HS3ST5: variants seen among roughly 807,000 people sequenced by gnomAD.
HS3ST5 encodes the protein heparan sulfate-glucosamine 3-sulfotransferase 5.
Under a neutral mutation model 25.4 loss-of-function variants are expected in HS3ST5, and 10 were observed. That is an observed-to-expected ratio of 0.39 (90% CI 0.24 to 0.67). The LOEUF (loss-of-function observed/expected upper bound fraction) is 0.67. Among genes scored for constraint, HS3ST5 ranks in the 30% least tolerant of loss-of-function variants. The pLI is 0.44. For missense variants in HS3ST5, 324 were observed against 420.7 expected (o/e 0.77, Z 2.01); for synonymous variants, 170 against 162.4 (o/e 1.05, Z -0.36).
chr6:114,332,526 A>T (rs1241544648), intron 1 of HS3ST5, among the ~76,000 whole-genome samples: 1 of 152,206 alleles, frequency 6.6e-6, no homozygotes, highest in African/African-American at 2.4e-5. Flanking sequence ...AAAGTCAGAC[A>T]CAGGGAGAGT....
At chr6:114,269,685 A>G (rs566685396) in intron 1 of HS3ST5, among the ~76,000 whole-genome samples, 1 of 152,284 alleles carries the variant, frequency 6.6e-6, no homozygotes, top group East Asian at 1.9e-4. Flanking sequence ...ACAAGAGTCC[A>G]TTTGGCTATG....
chr6:114,231,546 T>C (rs1771590403), intron 1 of HS3ST5: 1 of 152,094 alleles, frequency 6.6e-6, no homozygotes, highest in Non-Finnish European at 1.5e-5. Flanking sequence ...GGCATTTAAT[T>C]CTCCCCATAA....
At chr6:114,174,757 G>A (rs948353299) in intron 2 of HS3ST5, among the ~76,000 whole-genome samples, 3 of 152,114 alleles carry the variant, frequency 2.0e-5, no homozygotes, top group African/African-American at 7.2e-5. Context: ...CACTTTGGGA[G>A]GCCGAGGCAG....
At chr6:114,108,064 G>A (rs952327719) in intron 3 of HS3ST5, among the ~76,000 whole-genome samples, 5 of 152,128 alleles carry the variant, frequency 3.3e-5, no homozygotes, top group African/African-American at 7.2e-5. Flanking sequence ...ATGTGTGTGC[G>A]TGTGTGCATG....
At chr6:114,069,047 AAAT>A (rs986170980) in intron 3 of HS3ST5, among the ~76,000 whole-genome samples, 6 of 152,234 alleles carry the variant, frequency 3.9e-5, no homozygotes, top group Non-Finnish European at 5.9e-5. Context: ...GGAGATTCAA[AAAT>A]AATAATAATA....
chr6:114,227,843 C>G (rs919206702), intron 2 of HS3ST5, among the ~76,000 whole-genome samples: 1 of 151,850 alleles, frequency 6.6e-6, no homozygotes. Context: ...AAACATTACA[C>G]GAAACAGAGC....
intron 1 of HS3ST5, among the ~76,000 whole-genome samples, chr6:114,276,480 CATA>C (rs1281103576): frequency 1.3e-5 from 2 of 151,644 alleles, no homozygotes; most frequent in African/African-American, 2.4e-5. Context: ...TGCTTTTACA[CATA>C]ATAAGAGTAA....
At chr6:114,162,256 T>C (rs1779009523) in intron 3 of HS3ST5, among the ~76,000 whole-genome samples, 1 of 152,188 alleles carries the variant, frequency 6.6e-6, no homozygotes, top group Admixed American at 6.5e-5. Flanking sequence ...TTATATATAA[T>C]GTCTCGTGAA....
chr6:114,232,489 C>T (rs1771645748), intron 1 of HS3ST5, among the ~76,000 whole-genome samples: 1 of 152,220 alleles, frequency 6.6e-6, no homozygotes, highest in Middle Eastern at 3.4e-3. Flanking sequence ...CCATGCTTGA[C>T]CCATATTTTA....
intron 3 of HS3ST5, among the ~76,000 whole-genome samples, chr6:114,147,342 C>T (rs754067212): frequency 1.3e-5 from 2 of 152,144 alleles, no homozygotes; most frequent in East Asian, 1.9e-4. Flanking sequence ...ACTGATAGAA[C>T]GTGAGCTGAA....
At chr6:114,234,220 C>T (rs1034055882) in intron 1 of HS3ST5, among the ~76,000 whole-genome samples, 15 of 151,872 alleles carry the variant, frequency 9.9e-5, no homozygotes, top group African/African-American at 3.6e-4. Context: ...GAAGTAATTG[C>T]CTTTGGGTTT....
intron 1 of HS3ST5, among the ~76,000 whole-genome samples, chr6:114,330,820 CT>C (rs1178286942): frequency 2.0e-5 from 3 of 152,140 alleles, no homozygotes; most frequent in Non-Finnish European, 4.4e-5. Context: ...ACCAGAATGT[CT>C]TCCCCAGCCT....
chr6:114,084,204 G>T, intron 3 of HS3ST5: 3 of 1,089,644 alleles, frequency 2.8e-6, no homozygotes, highest in Non-Finnish European at 4.2e-6. Flanking sequence ...TCCATTCAGT[G>T]GCCTGAGCAA....
intron 1 of HS3ST5, among the ~76,000 whole-genome samples, chr6:114,335,047 G>A (rs1776552902): frequency 1.3e-5 from 2 of 152,134 alleles, no homozygotes; most frequent in Non-Finnish European, 2.9e-5. Flanking sequence ...GAAATCCACA[G>A]AAAATACTTG....
chr6:114,240,037 G>A (rs897221263), intron 1 of HS3ST5, among the ~76,000 whole-genome samples: 2 of 116,128 alleles, frequency 1.7e-5, no homozygotes, highest in Non-Finnish European at 3.5e-5. Context: ...CACACACACC[G>A]CTTACTCTCT....
intron 2 of HS3ST5, among the ~76,000 whole-genome samples, chr6:114,201,504 C>G (rs1781012795): frequency 6.6e-6 from 1 of 152,056 alleles, no homozygotes; most frequent in South Asian, 2.1e-4. Context: ...CTCTCTCTGA[C>G]CTCATCCAGG....
intron 1 of HS3ST5, among the ~76,000 whole-genome samples, chr6:114,330,056 T>C (rs895941954): frequency 1.3e-5 from 2 of 152,194 alleles, no homozygotes; most frequent in African/African-American, 2.4e-5. Flanking sequence ...GTGGGAGTGG[T>C]ATAAATGTCC....
intron 3 of HS3ST5, among the ~76,000 whole-genome samples, chr6:114,121,307 A>C (rs1359852454): frequency 1.3e-5 from 2 of 152,192 alleles, no homozygotes; most frequent in Non-Finnish European, 2.9e-5. Flanking sequence ...CACCTAACAC[A>C]AGCAACCACC....
intron 1 of HS3ST5, among the ~76,000 whole-genome samples, chr6:114,252,078 C>A (rs575488344): frequency 6.6e-6 from 1 of 152,066 alleles, no homozygotes; most frequent in Non-Finnish European, 1.5e-5. Context: ...TTCCTTAGCC[C>A]TAACTGGCAA....
Sources: gnomAD v4.1 joint callset for allele counts (sites outside exome capture counted in the v4.1 genomes callset) on GRCh38, gnomAD v4.1.1 for gene constraint, MANE v1.5 for transcripts, NCBI Gene and HGNC (gene_info 2026-07-23, HGNC 2026-07-21) for gene names.